Variants in ELMO1 observed in about 807,000 individuals in gnomAD.
ELMO1 encodes the protein engulfment and cell motility protein 1.
In ELMO1, 26 loss-of-function variants were observed where a neutral mutation model predicts 98.9. The ratio of observed to expected loss-of-function variants is 0.26; its 90% confidence interval spans 0.19 to 0.36. ELMO1 has a LOEUF of 0.36. Ranked by LOEUF, ELMO1 falls within the 10% of genes least tolerant of loss-of-function variation. ELMO1 has a pLI of 1.00. For missense variants in ELMO1, 627 were observed against 935.2 expected (o/e 0.67, Z 4.30); for synonymous variants, 346 against 346.0 (o/e 1.00, Z 0.00).
chr7:37,217,698 C>G (rs532420129), intron 10 of ELMO1: 2 of 456,890 alleles, frequency 4.4e-6, no homozygotes, highest in Non-Finnish European at 8.8e-6. Flanking sequence ...ACAAAGGGAA[C>G]GTGGGTGACT....
Position 37,146,967 on chromosome 7 carries a change from AG to A in ELMO1, c.1087-13734del, listed in dbSNP as rs1233493649. On this transcript the variant is annotated intron_variant, in intron 13 of 21. Coordinates refer to ENST00000310758, the MANE Select transcript of ELMO1 (RefSeq NM_014800.11). ...TTGCAACTTGGGCAAGACAATGGCT[AG>A]TAAGTGGCAGAGTCACCACTTCAAT... Among the ~76,000 whole-genome samples, 7 of 152,310 alleles carry A rather than the reference AG, an allele frequency of 4.6e-5. No homozygotes were observed. In the East Asian group the frequency reaches 1.4e-3, roughly 29 times the overall value.
At chr7:37,325,899 C>T (rs1032355118) in intron 2 of ELMO1, among the ~76,000 whole-genome samples, 5 of 152,158 alleles carry the variant, frequency 3.3e-5, no homozygotes, top group African/African-American at 4.8e-5. Flanking sequence ...CTCCCAGAGG[C>T]GCCTCGTGAC....
At chr7:37,123,140 G>T (rs1786210063) in intron 14 of ELMO1, among the ~76,000 whole-genome samples, 1 of 152,162 alleles carries the variant, frequency 6.6e-6, no homozygotes, top group African/African-American at 2.4e-5. Context: ...AAAGCAGTGT[G>T]TAGAGGGAAA....
chr7:37,384,901 T>A lies in ELMO1; in HGVS notation c.-73-42138A>T, dbSNP rs1382367151. 2.0e-5 allele frequency among the ~76,000 whole-genome samples: 3 copies of A among 152,212 alleles called. No homozygotes were observed. The East Asian group carries it at 5.8e-4, about 29-fold the overall frequency. The stretch of plus-strand genomic sequence containing the variant: ...AGACATGAGTAAAAATGCACACGAA[T>A]TCGTTTGAGCTTGTGACCATGTTCA... On this transcript the variant is annotated intron_variant, in intron 1 of 21. Transcript: ENST00000310758.
intron 1 of ELMO1, chr7:37,343,203 G>C (rs1800810660): frequency 6.5e-6 from 1 of 153,920 alleles, no homozygotes; most frequent in African/African-American, 2.4e-5. Flanking sequence ...TCTTTAAAGT[G>C]TTTTCTGTGT....
Position 36,870,357 on chromosome 7 carries a change from CA to C in ELMO1, c.1905+35del. ...GGCTGCAGTTGCCGACCGCACTGGG[CA>C]AATAGAGCTATTTGCAATAATTTGG... On this transcript the variant is annotated intron_variant, in intron 20 of 21. Coordinates refer to ENST00000310758, the MANE Select transcript of ELMO1 (RefSeq NM_014800.11). The surrounding 1 kb of genome is among the most constrained non-coding windows in gnomAD (Gnocchi z 4.4). 6.2e-7 allele frequency: 1 copy of C among 1,608,218 alleles called. No homozygotes were observed. The highest frequency in any genetic ancestry group is 2.2e-5 in the East Asian group (1 of 44,778).
intron 15 of ELMO1, among the ~76,000 whole-genome samples, chr7:37,075,122 T>A (rs1251435161): frequency 1.3e-5 from 2 of 152,032 alleles, no homozygotes; most frequent in African/African-American, 4.8e-5. Flanking sequence ...TTTACGTAGA[T>A]AGTAGTTGAT....
chr7:37,419,059 G>A (rs996859020), intron 1 of ELMO1, among the ~76,000 whole-genome samples: 1 of 152,152 alleles, frequency 6.6e-6, no homozygotes, highest in African/African-American at 2.4e-5. Context: ...AGCCCGCAGA[G>A]GAGGATGCTG....
chr7:36,909,901 A>G (rs1485831388), intron 16 of ELMO1, among the ~76,000 whole-genome samples: 1 of 152,248 alleles, frequency 6.6e-6, no homozygotes, highest in Non-Finnish European at 1.5e-5. Flanking sequence ...AGCAATAAAT[A>G]AATGAATGAA....
At chr7:37,322,537 C>A (rs1016164998) in intron 2 of ELMO1, among the ~76,000 whole-genome samples, 17 of 151,440 alleles carry the variant, frequency 1.1e-4, no homozygotes, top group African/African-American at 3.9e-4. Flanking sequence ...AGAAAAATCG[C>A]TTGAATCTGG....
rs185581695 is a variant in ELMO1, at chr7:36,919,507, C to T, written c.1438-24490G>A. ...GAAACCTGGTTCTCTCACTTATGGGCTAAGTCTCTTCATCTGTAAAATGGG... is the reference window on the plus strand; with the variant it reads ...GAAACCTGGTTCTCTCACTTATGGGTTAAGTCTCTTCATCTGTAAAATGGG... On this transcript the variant is annotated intron_variant, in intron 16 of 21. Coordinates refer to ENST00000310758, the MANE Select transcript of ELMO1 (RefSeq NM_014800.11). 1.3e-3 allele frequency: 544 copies of T among 435,020 alleles called. 1 individual carries two copies. Among genetic ancestry groups the T allele is most frequent in the African/African-American group, 9.8e-3 (489 of 49,682 alleles). 26.9% of individuals were successfully genotyped at this position (435,020 alleles called of 1,614,324 possible).
chr7:37,180,691 G>A (rs141685434), intron 13 of ELMO1, among the ~76,000 whole-genome samples: 198 of 152,170 alleles, frequency 1.3e-3, no homozygotes, highest in African/African-American at 4.7e-3. Context: ...TAGCAAATAC[G>A]TACCTACTAA....
At chr7:37,439,978 T>TGG (rs990100161) in intron 1 of ELMO1, among the ~76,000 whole-genome samples, 7 of 144,162 alleles carry the variant, frequency 4.9e-5, no homozygotes, top group East Asian at 4.1e-4. Flanking sequence ...TAGAGCTGCA[T>TGG]GGGTGTGTGT....
Position 37,448,239 on chromosome 7 carries a change from C to A in ELMO1, c.-74+436G>T, listed in dbSNP as rs372649714. 2.0e-4 allele frequency among the ~76,000 whole-genome samples: 31 copies of A among 152,146 alleles called. No individual in the cohort carries two copies. In the East Asian group the frequency reaches 5.5e-3, roughly 27 times the overall value. On this transcript the variant is annotated intron_variant, in intron 1 of 21. Coordinates refer to ENST00000310758, the MANE Select transcript of ELMO1 (RefSeq NM_014800.11). ...CTCTAGCTCTATAGGAATCTTGACT[C>A]CAAGATCCCAGCCCCACATCCCCCG...
At chr7:37,363,457 G>A (rs1363435749) in intron 1 of ELMO1, among the ~76,000 whole-genome samples, 2 of 152,040 alleles carry the variant, frequency 1.3e-5, no homozygotes, top group African/African-American at 2.4e-5. Flanking sequence ...TCTAACCAGG[G>A]CCCAACTGTC....
intron 16 of ELMO1, among the ~76,000 whole-genome samples, chr7:36,998,752 C>T (rs1326190064): frequency 6.6e-6 from 1 of 151,676 alleles, no homozygotes; most frequent in East Asian, 1.9e-4. Flanking sequence ...AGGACTGACA[C>T]TATATTTTAG....
chr7:36,857,455 T>C (rs1331795985), intron 21 of ELMO1, among the ~76,000 whole-genome samples: 1 of 152,152 alleles, frequency 6.6e-6, no homozygotes, highest in Non-Finnish European at 1.5e-5. Flanking sequence ...TGCTGTTTCA[T>C]GGTAAATCCC....
chr7:36,871,859 G>A (rs1803534172), intron 19 of ELMO1, among the ~76,000 whole-genome samples: 1 of 151,980 alleles, frequency 6.6e-6, no homozygotes, highest in African/African-American at 2.4e-5. Flanking sequence ...CATTTTCCAG[G>A]TACCCTAAAA....
intron 16 of ELMO1, among the ~76,000 whole-genome samples, chr7:36,948,020 G>A (rs1275219140): frequency 6.6e-6 from 1 of 152,160 alleles, no homozygotes; most frequent in Non-Finnish European, 1.5e-5. Flanking sequence ...GAGTTATTGT[G>A]CGTTCTTTGA....
Sources: allele counts gnomAD v4.1 joint callset (sites outside exome capture counted in the v4.1 genomes callset), GRCh38; gene constraint gnomAD v4.1.1; non-coding constraint Gnocchi (gnomAD v3.1); transcripts MANE v1.5; gene names NCBI Gene and HGNC (gene_info 2026-07-23, HGNC 2026-07-21).